The following UROC1 variants were observed in gnomAD, a reference collection of about 807,000 sequenced individuals.
The protein encoded by UROC1 is urocanate hydratase.
A neutral mutation model predicts 89.5 loss-of-function variants in UROC1; 79 were observed. The observed-to-expected ratio is 0.88, with a 90% CI of 0.74 to 1.06. The LOEUF is 1.06. Ranked by LOEUF, UROC1 falls within the 50% of genes least tolerant of loss-of-function variation. UROC1 has a pLI of 0.00. For synonymous variants in UROC1, 361 were observed against 354.8 expected, an observed-to-expected ratio of 1.02 and a Z score of -0.20; for missense variants, 885 against 907.8, an observed-to-expected ratio of 0.97 and a Z score of 0.32.
chr3:126,491,755 A>G lies in UROC1; in HGVS notation c.1608+663T>C, dbSNP rs549169973. ...CCTCGAGACGGGCTTGGCGATTGGC[A>G]AAATGAGCAAAAGCTAGGGAAGTTT... is the stretch of plus-strand genomic sequence containing the variant. On this transcript the variant is annotated intron_variant, in intron 16 of 19. Coordinates refer to ENST00000290868, the MANE Select transcript of UROC1 (RefSeq NM_144639.3). Among the ~76,000 whole-genome samples, 17 of 152,380 alleles carry G rather than the reference A, an allele frequency of 1.1e-4. No homozygotes were observed. In the South Asian group the frequency reaches 3.5e-3, roughly 32 times the overall value.
chr3:126,507,731 T>C lies in UROC1; in HGVS notation c.602+11A>G. ...GAAACACGGTGTAAACAGACTGAAA[T>C]AGTGACTTACATTGTAACCCCCAAG... On this transcript the variant is annotated intron_variant, in intron 6 of 19. Coordinates refer to ENST00000290868, the MANE Select transcript of UROC1 (RefSeq NM_144639.3). 1 of 1,613,862 alleles carries C rather than the reference T, an allele frequency of 6.2e-7. No homozygotes were observed. The highest frequency in any genetic ancestry group is 1.3e-5 in the African/African-American group (1 of 75,032).
At chr3:126,493,930 G>A (rs747516903) in intron 15 of UROC1, among the ~76,000 whole-genome samples, 1 of 152,182 alleles carries the variant, frequency 6.6e-6, no homozygotes, top group Non-Finnish European at 1.5e-5. Context: ...GCACCTGACC[G>A]CAAGCTCAGC....
At chr3:126,493,324 C>T (rs1560118117) in intron 15 of UROC1, among the ~76,000 whole-genome samples, 2 of 152,208 alleles carry the variant, frequency 1.3e-5, no homozygotes, top group South Asian at 2.1e-4. Flanking sequence ...TGCACACACA[C>T]GTTCACAGCA....
rs764323965 is a variant in UROC1 at position 126,510,664 on chromosome 3, C to A, written c.257G>T (p.Arg86Met). Residue 86 changes from arginine (R) to methionine (M), a missense_variant and splice_region_variant, in exon 2 of 20, where the codon AGG becomes ATG. Arg to Met is a moderately conservative substitution (Grantham distance 91, BLOSUM62 -1). Coordinates refer to ENST00000290868, the MANE Select transcript of UROC1 (RefSeq NM_144639.3). ...MYRFCPDIEM[R>M]AYPIEQYPCQ... ...TTGAAGCTGTACCCACAAGGCTGAC[C>A]TCATTTCAATGTCGGGGCAAAACCG... The A allele has an allele frequency of 6.2e-7, 1 of 1,613,986 alleles. No homozygotes were observed. Among genetic ancestry groups the A allele is most frequent in the East Asian group, 2.2e-5 (1 of 44,882 alleles).
intron 14 of UROC1, among the ~76,000 whole-genome samples, chr3:126,496,919 C>A (rs1935790181): frequency 6.6e-6 from 1 of 152,152 alleles, no homozygotes. Context: ...ACCAGCCAGG[C>A]CTGGAGTCTT....
intron 9 of UROC1, among the ~76,000 whole-genome samples, chr3:126,503,256 T>C (rs78791236): frequency 0.013 from 1,928 of 152,312 alleles, 14 homozygotes; most frequent in Non-Finnish European, 0.02. Flanking sequence ...TCAAATTTTG[T>C]TTACATTTTC....
chr3:126,499,412 G>A lies in UROC1; in HGVS notation c.1244-3C>T. ...ACCTTTCTTCTCCACATCCGCTCCTGTGGGCAGAGCCCGGACAGTCACCAC... is the reference window on the plus strand; with the variant it reads ...ACCTTTCTTCTCCACATCCGCTCCTATGGGCAGAGCCCGGACAGTCACCAC... On this transcript the variant is annotated splice_polypyrimidine_tract_variant and splice_region_variant and intron_variant, in intron 12 of 19. Transcript: ENST00000290868. 6.2e-7 allele frequency: 1 copy of A among 1,611,402 alleles called. No individual in the cohort carries two copies. The highest frequency in any genetic ancestry group is 8.5e-7 in the Non-Finnish European group (1 of 1,178,926).
At position 126,482,239 on chromosome 3, in the gene UROC1, C is replaced by T. The variant is rs953892282; in HGVS notation, c.*106G>A. The T allele has an allele frequency of 9.2e-6, 14 of 1,523,690 alleles. No homozygotes were observed. Among genetic ancestry groups the T allele is most frequent in the South Asian group, 4.9e-5 (4 of 82,394 alleles). The allele number at this position is 1,523,690 out of a possible 1,614,324, so 94.4% of individuals were successfully genotyped here. A position where few individuals can be genotyped will look rare whatever the true frequency, so the allele number is the denominator to read the frequency against. ...ACCATAAGGGCCACGTGAGGATGTGCGAGAAGTGCAGGTAGTGCGGGTGTG... is the reference window on the plus strand; with the variant it reads ...ACCATAAGGGCCACGTGAGGATGTGTGAGAAGTGCAGGTAGTGCGGGTGTG... On this transcript the variant is annotated 3_prime_UTR_variant, in exon 20 of 20. Coordinates refer to ENST00000290868, the MANE Select transcript of UROC1 (RefSeq NM_144639.3).
chr3:126,495,477 C>T (rs935925980), intron 15 of UROC1, among the ~76,000 whole-genome samples: 1 of 152,212 alleles, frequency 6.6e-6, no homozygotes, highest in Non-Finnish European at 1.5e-5. Context: ...CGTGTGTCAG[C>T]ACTCCCTTCC....
chr3:126,508,582 G>A lies in UROC1; in HGVS notation c.352-107C>T. On this transcript the variant is annotated intron_variant, in intron 3 of 19. Transcript: ENST00000290868. ...TCCCCTGGGGGCCCAATGGGACAAG[G>A]AGAGAAGCCAGAAGGGTGAGGCCCA... 3.4e-6 allele frequency: 3 copies of A among 874,902 alleles called. No homozygotes were observed. The South Asian group carries it at 4.3e-5, about 13-fold the overall frequency. 54.2% of individuals were successfully genotyped at this position (874,902 alleles called of 1,614,324 possible).
intron 18 of UROC1, among the ~76,000 whole-genome samples, chr3:126,485,223 C>T (rs984664633): frequency 1.3e-5 from 2 of 152,224 alleles, no homozygotes; most frequent in African/African-American, 4.8e-5. Flanking sequence ...CATGTTAACA[C>T]TCTACAAGCG....
In UROC1 at chr3:126,507,757, G is replaced by C; in HGVS notation, c.587C>G (p.Ala196Gly). Reference sequence around the variant, plus strand: ...AGTGACTTACATTGTAACCCCCAAGGCAAAGAGCTTCTCATACTCCGTCCG... The same window carrying C: ...AGTGACTTACATTGTAACCCCCAAGCCAAAGAGCTTCTCATACTCCGTCCG... ...SSRTEYEKLFALGVTMYGQMT... is the reference protein window; with the variant it reads ...SSRTEYEKLFGLGVTMYGQMT... Residue 196 changes from alanine (A) to glycine (G), a missense_variant, in exon 6 of 20, where the codon GCC becomes GGC. Coordinates refer to ENST00000290868, the MANE Select transcript of UROC1 (RefSeq NM_144639.3). 1 of 1,614,158 alleles carries C rather than the reference G, an allele frequency of 6.2e-7. No individual in the cohort carries two copies. The highest frequency in any genetic ancestry group is 1.1e-5 in the South Asian group (1 of 91,084).
chr3:126,496,797 T>C (rs914836985), intron 14 of UROC1, among the ~76,000 whole-genome samples: 4 of 152,184 alleles, frequency 2.6e-5, no homozygotes, highest in Non-Finnish European at 2.9e-5. Context: ...ATGAAGGTAA[T>C]AGAAATCCCT....
chr3:126,513,731 C>T (rs1170503588), intron 1 of UROC1, among the ~76,000 whole-genome samples: 1 of 152,240 alleles, frequency 6.6e-6, no homozygotes, highest in Non-Finnish European at 1.5e-5. Flanking sequence ...ATTCTTTCTT[C>T]CAGCTGGGCC....
At position 126,500,751 on chromosome 3, in the gene UROC1, C is replaced by T. The variant is rs1004068323; in HGVS notation, c.1089G>A (p.Glu363=). The change falls in exon 11 of 20, where the codon GAG becomes GAA. Residue 363 remains glutamate (E), a synonymous_variant. Coordinates refer to ENST00000290868, the MANE Select transcript of UROC1 (RefSeq NM_144639.3). ...GYYPVQLSFT[E]AQSLMASNPA... ...GGTTGGAGGCCATGAGGCTCTGGGCCTCCGTGAAGCTGAGCTGCACAGGGT... is the reference window on the plus strand; with the variant it reads ...GGTTGGAGGCCATGAGGCTCTGGGCTTCCGTGAAGCTGAGCTGCACAGGGT... 1 of 1,614,006 alleles carries T rather than the reference C, an allele frequency of 6.2e-7. No individual in the cohort carries two copies. The highest frequency in any genetic ancestry group is 1.3e-5 in the African/African-American group (1 of 74,930).
At position 126,505,838 on chromosome 3, in the gene UROC1, C is replaced by T. The variant is rs762189470; in HGVS notation, c.676G>A (p.Val226Met). ...AGGTACCGACGTGCAGCATTCAACA[C>T]GGTGAGCTGCAGGGAGAAGAGGTGG... The part of the protein sequence containing the change: ...QGIVHGTVLT[V>M]LNAARRYLGI... The change falls in exon 8 of 20, where the codon GTG (valine) becomes ATG (methionine). Residue 226 changes from valine to methionine, a missense_variant. By Grantham distance (21) the Val-to-Met change is conservative. Coordinates refer to ENST00000290868, the MANE Select transcript of UROC1 (RefSeq NM_144639.3). 135 of 1,613,640 alleles carry T rather than the reference C, an allele frequency of 8.4e-5. No individual in the cohort carries two copies. Among genetic ancestry groups the T allele is most frequent in the South Asian group, 1.3e-4 (12 of 91,088 alleles).
intron 1 of UROC1, among the ~76,000 whole-genome samples, chr3:126,515,468 C>T (rs1376833127): frequency 6.9e-6 from 1 of 144,320 alleles, no homozygotes; most frequent in Non-Finnish European, 1.5e-5. Context: ...CCTACCCTCT[C>T]CCTGTCTCCC....
chr3:126,485,331 G>A (rs185697698), intron 18 of UROC1, among the ~76,000 whole-genome samples: 4 of 152,196 alleles, frequency 2.6e-5, no homozygotes, highest in Admixed American at 2.6e-4. Context: ...GCACAGCAAG[G>A]CTACCCTGTG....
At chr3:126,492,380 G>T in intron 16 of UROC1, 38 bp downstream of exon 16, 2 of 1,574,976 alleles carry the variant, frequency 1.3e-6, no homozygotes, top group Non-Finnish European at 1.7e-6. Flanking sequence ...GTGGGAAGAG[G>T]CTGAGGGATG....
Sources: gnomAD v4.1 joint callset for allele counts (sites outside exome capture counted in the v4.1 genomes callset) on GRCh38, gnomAD v4.1.1 for gene constraint, MANE v1.5 for transcripts, NCBI Gene and HGNC (gene_info 2026-07-23, HGNC 2026-07-21) for gene names.